The following LY6S variants were observed in gnomAD, a reference collection of about 807,000 sequenced individuals.
LY6S encodes lymphocyte antigen 6 family member S, also known as lymphocyte antigen 6S.
the LY6S span, among the ~76,000 whole-genome samples, chr8:143,064,286 G>A: frequency 6.6e-6 from 1 of 152,216 alleles, no homozygotes; most frequent in Non-Finnish European, 1.5e-5. Context: ...TGAGATGGAA[G>A]CAGTTGCATT....
chr8:143,072,068 A>C, the LY6S span, among the ~76,000 whole-genome samples: 255 of 151,694 alleles, frequency 1.7e-3, 3 homozygotes, highest in African/African-American at 5.9e-3. Flanking sequence ...GCTTTTATTT[A>C]TCTGAAAAAA....
the LY6S span, among the ~76,000 whole-genome samples, chr8:143,046,437 G>A: frequency 6.6e-6 from 1 of 152,100 alleles, no homozygotes; most frequent in African/African-American, 2.4e-5. Flanking sequence ...AATTAGCAGG[G>A]CGTGGTGGCA....
At chr8:143,076,135 A>G in the LY6S span, among the ~76,000 whole-genome samples, 1,781 of 152,336 alleles carry the variant, frequency 0.012, 30 homozygotes, top group East Asian at 0.066. Flanking sequence ...TTTGTGAACC[A>G]GAAGGATTGT....
At chr8:143,044,920 CA>C in the LY6S span, 1 of 1,056,562 alleles carries the variant, frequency 9.5e-7, no homozygotes, top group African/African-American at 1.7e-5. Context: ...CCCAACCTGC[CA>C]CCTGGACCTT....
chr8:143,057,711 T>C, the LY6S span: 1 of 805,130 alleles, frequency 1.2e-6, no homozygotes, highest in Non-Finnish European at 2.3e-6. Context: ...CGTTGTTTAA[T>C]GACCTCAAAG....
the LY6S span, chr8:143,053,579 A>G: frequency 3.3e-5 from 5 of 152,148 alleles, no homozygotes; most frequent in Non-Finnish European, 5.9e-5. Flanking sequence ...CCGTCAATAC[A>G]AAGGGATTTT....
the LY6S span, among the ~76,000 whole-genome samples, chr8:143,070,436 TATATATATTG>T: frequency 6.4e-4 from 57 of 89,422 alleles, no homozygotes; most frequent in African/African-American, 3.7e-3. Context: ...ATATATATTA[TATATATATTG>T]TATATATATA....
the LY6S span, among the ~76,000 whole-genome samples, chr8:143,065,008 G>A: frequency 1.4e-4 from 21 of 152,220 alleles, 1 homozygote; most frequent in Non-Finnish European, 1.2e-4. Context: ...GATCCTCCCT[G>A]TCTGTAGGGA....
the LY6S span, among the ~76,000 whole-genome samples, chr8:143,045,460 G>A: frequency 9.9e-5 from 15 of 152,104 alleles, no homozygotes; most frequent in East Asian, 9.6e-4. The surrounding 1 kb of genome is among the most constrained non-coding windows in gnomAD (Gnocchi z 5.3). Flanking sequence ...CAGAACATCC[G>A]GCTCTCCATC....
the LY6S span, chr8:143,043,057 C>G: frequency 2.9e-6 from 4 of 1,367,856 alleles, no homozygotes; most frequent in African/African-American, 1.5e-5. Flanking sequence ...CTCTTCAAAA[C>G]CAAGCAGCTG....
chr8:143,045,703 A>T, the LY6S span, among the ~76,000 whole-genome samples: 3,376 of 152,234 alleles, frequency 0.022, 114 homozygotes, highest in African/African-American at 0.077. This position sits in a 1 kb window ranked among gnomAD's most constrained non-coding sequence, Gnocchi z 5.3. Flanking sequence ...CAGGCTTGCC[A>T]GAGAGAGGAA....
At chr8:143,049,490 C>T in the LY6S span, among the ~76,000 whole-genome samples, 12 of 152,166 alleles carry the variant, frequency 7.9e-5, no homozygotes, top group Non-Finnish European at 1.0e-4. Context: ...CAACGGAACC[C>T]GGCTTTATGC....
At chr8:143,070,073 G>A in the LY6S span, among the ~76,000 whole-genome samples, 2 of 151,922 alleles carry the variant, frequency 1.3e-5, no homozygotes, top group African/African-American at 4.8e-5. Flanking sequence ...GTGTCAGCAG[G>A]GCTGGCTCCC....
chr8:143,049,219 G>A, the LY6S span: 2 of 534,766 alleles, frequency 3.7e-6, no homozygotes, highest in Non-Finnish European at 7.7e-6. Context: ...GATTCTCTCG[G>A]CACCACGGGA....
At chr8:143,063,805 C>T in the LY6S span, among the ~76,000 whole-genome samples, 1 of 152,206 alleles carries the variant, frequency 6.6e-6, no homozygotes, top group Non-Finnish European at 1.5e-5. Flanking sequence ...CCGCTGTCAG[C>T]CAGTAGCCTC....
chr8:143,047,738 A>G, the LY6S span: 1 of 152,322 alleles, frequency 6.6e-6, no homozygotes, highest in East Asian at 1.9e-4. Context: ...ATGAGCAAGC[A>G]GGTGCAGCTA....
chr8:143,052,395 T>C, the LY6S span, among the ~76,000 whole-genome samples: 1 of 152,226 alleles, frequency 6.6e-6, no homozygotes. Context: ...CACTCGGGCC[T>C]ATGAACTTTG....
the LY6S span, chr8:143,043,237 A>G: frequency 7.3e-7 from 1 of 1,366,332 alleles, no homozygotes. Context: ...TTGCAGCAAG[A>G]GATCTGGGAG....
chr8:143,072,194 G>A, the LY6S span, among the ~76,000 whole-genome samples: 1 of 152,120 alleles, frequency 6.6e-6, no homozygotes, highest in African/African-American at 2.4e-5. Context: ...TGTTTGAGAA[G>A]ACAGCCGTCA....
Sources: allele counts gnomAD v4.1 joint callset (sites outside exome capture counted in the v4.1 genomes callset), GRCh38; gene constraint gnomAD v4.1.1; non-coding constraint Gnocchi (gnomAD v3.1); transcripts MANE v1.5; gene names NCBI Gene and HGNC (gene_info 2026-07-23, HGNC 2026-07-21).